KCNN3: variants seen among roughly 807,000 people sequenced by gnomAD.
KCNN3 encodes potassium calcium-activated channel subfamily N member 3.
Under a neutral mutation model 62.9 loss-of-function variants are expected in KCNN3, and 16 were observed. The observed-to-expected ratio is 0.25, with a 90% CI of 0.17 to 0.39. The LOEUF is 0.39. KCNN3 is among the 10% of genes least tolerant of loss of function. The pLI, the probability that KCNN3 is intolerant of heterozygous loss-of-function variation, is 1.00. For synonymous variants in KCNN3, 370 were observed against 389.2 expected (o/e 0.95, Z 0.58); for missense variants, 599 against 949.4 (o/e 0.63, Z 4.85).
chr1:154,821,897 C>T (rs1385998744), intron 2 of KCNN3, among the ~76,000 whole-genome samples, 192 bp downstream of exon 2: 2 of 152,230 alleles, frequency 1.3e-5, no homozygotes, highest in Non-Finnish European at 2.9e-5. Context: ...TCGAAAGCCA[C>T]AGGGCGGCCT....
intron 1 of KCNN3, among the ~76,000 whole-genome samples, chr1:154,863,826 G>A (rs1477292253): frequency 3.3e-5 from 5 of 152,198 alleles, no homozygotes; most frequent in Admixed American, 6.5e-5. Context: ...TGCCGCCTGT[G>A]GGGAAGGGAA....
intron 4 of KCNN3, among the ~76,000 whole-genome samples, chr1:154,727,198 G>C (rs916449627): frequency 2.6e-5 from 4 of 152,204 alleles, no homozygotes; most frequent in African/African-American, 9.7e-5. Flanking sequence ...CTCATGGAAA[G>C]AGATGATGAA....
intron 3 of KCNN3, among the ~76,000 whole-genome samples, chr1:154,759,844 GA>G: frequency 6.6e-6 from 1 of 152,206 alleles, no homozygotes; most frequent in Non-Finnish European, 1.5e-5. Context: ...TGACTTGACT[GA>G]AAAAATGGAA....
At chr1:154,755,786 GGGGA>G (rs1557959465) in intron 3 of KCNN3, among the ~76,000 whole-genome samples, 1 of 98,868 alleles carries the variant, frequency 1.0e-5, no homozygotes, top group African/African-American at 5.3e-5. Context: ...GAGAGAGAGA[GGGGA>G]GGAGGAGGAG....
At chr1:154,824,137 G>T (rs552328871) in intron 1 of KCNN3, among the ~76,000 whole-genome samples, 1 of 152,198 alleles carries the variant, frequency 6.6e-6, no homozygotes, top group African/African-American at 2.4e-5. Context: ...ATATACACCA[G>T]AAGCTTCTGA....
chr1:154,830,433 C>A (rs1651335048), intron 1 of KCNN3, among the ~76,000 whole-genome samples: 1 of 152,216 alleles, frequency 6.6e-6, no homozygotes, highest in Non-Finnish European at 1.5e-5. Context: ...CTGCCCTTAC[C>A]GGTCCCACCT....
At chr1:154,722,999 G>A (rs1700389748) in intron 5 of KCNN3, among the ~76,000 whole-genome samples, 1 of 152,058 alleles carries the variant, frequency 6.6e-6, no homozygotes, top group Non-Finnish European at 1.5e-5. Context: ...CAAAGTGATG[G>A]GATTACAGGC....
intron 2 of KCNN3, among the ~76,000 whole-genome samples, chr1:154,780,700 T>C (rs1440101489): frequency 2.0e-5 from 3 of 151,900 alleles, no homozygotes; most frequent in Non-Finnish European, 4.4e-5. Flanking sequence ...TCAAAAATCC[T>C]GTAGTACCTA....
chr1:154,722,512 C>T (rs999339253), intron 5 of KCNN3, among the ~76,000 whole-genome samples: 3 of 147,304 alleles, frequency 2.0e-5, no homozygotes, highest in East Asian at 2.1e-4. Flanking sequence ...CTCAGTCTCC[C>T]GAGTACCTGG....
chr1:154,821,531 G>T (rs1650893714), intron 2 of KCNN3, among the ~76,000 whole-genome samples: 1 of 152,134 alleles, frequency 6.6e-6, no homozygotes, highest in South Asian at 2.1e-4. Flanking sequence ...GTCACTCCTG[G>T]GCAGCAAGAA....
At chr1:154,750,518 C>A in intron 3 of KCNN3, among the ~76,000 whole-genome samples, 1 of 152,082 alleles carries the variant, frequency 6.6e-6, no homozygotes, top group South Asian at 2.1e-4. Context: ...ACCCCCTTCG[C>A]ATCAACTCTC....
At chr1:154,713,131 G>A (rs11264247) in intron 7 of KCNN3, among the ~76,000 whole-genome samples, 7,356 of 152,156 alleles carry the variant, frequency 0.048, 176 homozygotes, top group African/African-American at 0.055. Flanking sequence ...CTTCACAGCC[G>A]TGCAAACTCA....
In KCNN3 at chr1:154,797,231, C is replaced by T. The variant is rs12066258; in HGVS notation, c.1030-24838G>A. 2.4e-3 allele frequency among the ~76,000 whole-genome samples: 363 copies of T among 152,258 alleles called. 3 individuals are homozygous for T. Among genetic ancestry groups the T allele is most frequent in the African/African-American group, 8.3e-3 (345 of 41,554 alleles). ...TACTAATGGTTACCATATTACCTGA[C>T]ATTCTGTAGTAGGTTGTCCTAATTT... On this transcript the variant is annotated intron_variant, in intron 2 of 7. Transcript: ENST00000271915.
At chr1:154,768,029 C>T (rs759537172) in intron 3 of KCNN3, among the ~76,000 whole-genome samples, 11 of 152,194 alleles carry the variant, frequency 7.2e-5, no homozygotes, top group Non-Finnish European at 1.2e-4. Flanking sequence ...ATGAAAGCTA[C>T]CTGGAATGTG....
chr1:154,829,661 C>T (rs1450029789), intron 1 of KCNN3, among the ~76,000 whole-genome samples: 2 of 152,182 alleles, frequency 1.3e-5, no homozygotes, highest in African/African-American at 4.8e-5. Context: ...CTGACCTAGA[C>T]CCGAGAGCAG....
intron 3 of KCNN3, among the ~76,000 whole-genome samples, chr1:154,770,923 G>A (rs188537814): frequency 1.3e-5 from 2 of 152,232 alleles, no homozygotes; most frequent in South Asian, 2.1e-4. Context: ...CTGGTATGGT[G>A]GCGCATGCCT....
intron 2 of KCNN3, among the ~76,000 whole-genome samples, chr1:154,786,422 T>C (rs1339070892): frequency 6.6e-6 from 1 of 152,248 alleles, no homozygotes; most frequent in African/African-American, 2.4e-5. Context: ...GGGAAACAGC[T>C]GAATATATTA....
intron 3 of KCNN3, among the ~76,000 whole-genome samples, chr1:154,761,585 ACGC>A (rs1648016012): frequency 6.6e-6 from 1 of 152,198 alleles, no homozygotes; most frequent in Non-Finnish European, 1.5e-5. Context: ...GCTATTTTGT[ACGC>A]TCCTTTTTCA....
intron 2 of KCNN3, among the ~76,000 whole-genome samples, chr1:154,773,529 G>A (rs1160679422): frequency 6.6e-6 from 1 of 152,232 alleles, no homozygotes; most frequent in Non-Finnish European, 1.5e-5. Flanking sequence ...GGTAAATGTG[G>A]TGGGACTGAG....
Sources: allele counts gnomAD v4.1 joint callset (sites outside exome capture counted in the v4.1 genomes callset), GRCh38; gene constraint gnomAD v4.1.1; transcripts MANE v1.5; gene names NCBI Gene and HGNC (gene_info 2026-07-23, HGNC 2026-07-21).